Variants in PEMT observed in about 807,000 individuals in gnomAD.
PEMT encodes the protein phospholipid methyltransferase.
PEMT carries 23 observed loss-of-function variants against 27.4 expected under a neutral mutation model. That is an observed-to-expected ratio of 0.84 (90% CI 0.60 to 1.19). The LOEUF (loss-of-function observed/expected upper bound fraction) is 1.19. PEMT is among the 50% of genes most tolerant of loss of function. PEMT has a pLI of 0.00. For missense variants in PEMT, 307 were observed against 310.1 expected, an observed-to-expected ratio of 0.99 and a Z score of 0.07; for synonymous variants, 137 against 139.1, an observed-to-expected ratio of 0.98 and a Z score of 0.11.
intron 2 of PEMT, among the ~76,000 whole-genome samples, chr17:17,532,951 C>T (rs776837755): frequency 1.3e-5 from 2 of 152,176 alleles, no homozygotes; most frequent in African/African-American, 2.4e-5. Context: ...CGCTTGAACT[C>T]GGGAGGCAGA....
intron 3 of PEMT, chr17:17,518,287 C>T (rs1304627840): frequency 8.1e-6 from 3 of 371,634 alleles, no homozygotes; most frequent in East Asian, 1.6e-4. Context: ...ATCCACGCCT[C>T]GCCCACCCCC....
chr17:17,550,209 A>T (rs1343709657), intron 2 of PEMT, among the ~76,000 whole-genome samples: 3 of 152,200 alleles, frequency 2.0e-5, no homozygotes, highest in African/African-American at 4.8e-5. Context: ...CTGAGGACAC[A>T]GACGTTCGTG....
At chr17:17,570,870 G>A in intron 2 of PEMT, 2 of 985,406 alleles carry the variant, frequency 2.0e-6, no homozygotes, top group Non-Finnish European at 2.4e-6. Context: ...TCCGGGGGCA[G>A]GTGAGAAGAG....
At chr17:17,566,644 G>C (rs1182683723) in intron 2 of PEMT, among the ~76,000 whole-genome samples, 1 of 152,236 alleles carries the variant, frequency 6.6e-6, no homozygotes, top group Non-Finnish European at 1.5e-5. Flanking sequence ...AGGCGGGAAA[G>C]CTGGCGAAGG....
intron 2 of PEMT, among the ~76,000 whole-genome samples, chr17:17,525,861 G>A (rs957644698): frequency 3.9e-5 from 6 of 152,174 alleles, no homozygotes; most frequent in African/African-American, 1.2e-4. Context: ...GGGCACAGTG[G>A]TGTGCACCTG....
At chr17:17,567,213 G>A (rs550533917) in intron 2 of PEMT, among the ~76,000 whole-genome samples, 3 of 152,318 alleles carry the variant, frequency 2.0e-5, no homozygotes, top group East Asian at 1.9e-4. Flanking sequence ...GTGGGAGTGC[G>A]CTCCCTCTCC....
intron 3 of PEMT, among the ~76,000 whole-genome samples, chr17:17,519,943 G>A (rs866147025): frequency 1.8e-4 from 27 of 152,222 alleles, no homozygotes; most frequent in African/African-American, 6.5e-4. Flanking sequence ...TGTGTGCGCT[G>A]TGGGCTGCAG....
intron 2 of PEMT, among the ~76,000 whole-genome samples, chr17:17,549,194 A>G (rs1355693038): frequency 6.6e-6 from 1 of 151,794 alleles, no homozygotes; most frequent in Non-Finnish European, 1.5e-5. Context: ...TTATTTATTT[A>G]TTTGTTTATT....
chr17:17,530,951 G>A (rs553367299), intron 2 of PEMT, among the ~76,000 whole-genome samples: 5 of 151,670 alleles, frequency 3.3e-5, no homozygotes, highest in African/African-American at 1.2e-4. Context: ...GCTGAGGCAG[G>A]AGAATTGCTT....
Position 17,541,260 on chromosome 17 carries a change from C to T in PEMT, c.205-18865G>A, listed in dbSNP as rs116332096. Among the ~76,000 whole-genome samples the T allele has an allele frequency of 2.9e-3, 439 of 152,334 alleles. 1 individual carries two copies. Among genetic ancestry groups the T allele is most frequent in the African/African-American group, 9.4e-3 (392 of 41,576 alleles). On this transcript the variant is annotated intron_variant, in intron 2 of 6. Coordinates refer to ENST00000255389, the MANE Select transcript of PEMT (RefSeq NM_148172.3). Reference sequence around the variant, plus strand: ...CCCTGCAAGGAAGATGTCTCCCTCACGCACGGACAGGTGCGGTGGTGCCTC... The same window carrying T: ...CCCTGCAAGGAAGATGTCTCCCTCATGCACGGACAGGTGCGGTGGTGCCTC...
chr17:17,544,733 T>C (rs1410013628), intron 2 of PEMT, among the ~76,000 whole-genome samples: 1 of 152,102 alleles, frequency 6.6e-6, no homozygotes, highest in African/African-American at 2.4e-5. Flanking sequence ...CGTTTCAAAA[T>C]GGAGGCAGAA....
chr17:17,561,352 G>A lies in PEMT; in HGVS notation c.204+15568C>T, dbSNP rs775954859. Among the ~76,000 whole-genome samples the A allele has an allele frequency of 1.2e-4, 19 of 152,342 alleles. No individual in the cohort carries two copies. Among genetic ancestry groups the A allele is most frequent in the South Asian group, 2.1e-4 (1 of 4,832 alleles). On this transcript the variant is annotated intron_variant, in intron 2 of 6. Coordinates refer to ENST00000255389, the MANE Select transcript of PEMT (RefSeq NM_148172.3). This position sits in a 1 kb window ranked among gnomAD's most constrained non-coding sequence, Gnocchi z 4.5. ...GCACAGTGAATGGCCAGCCACAGCC[G>A]GAACCCAAGCGGTGAGGCTGCAAGC...
intron 6 of PEMT, 96 bp from the exon 7 acceptor site, chr17:17,505,944 G>C: frequency 6.9e-7 from 1 of 1,455,678 alleles, no homozygotes; most frequent in East Asian, 2.5e-5. Context: ...AGGGTGTCCA[G>C]ATGGGACCGG....
intron 1 of PEMT, among the ~76,000 whole-genome samples, chr17:17,588,613 C>T (rs538422774): frequency 2.2e-3 from 338 of 152,314 alleles, no homozygotes; most frequent in African/African-American, 7.7e-3. Flanking sequence ...ATCACTCACC[C>T]GCTCTGGTGA....
chr17:17,510,706 G>A (rs1345595571), intron 4 of PEMT, among the ~76,000 whole-genome samples: 1 of 152,250 alleles, frequency 6.6e-6, no homozygotes, highest in African/African-American at 2.4e-5. Context: ...AGGGCCGCCA[G>A]GAGGCTGTGG....
intron 2 of PEMT, among the ~76,000 whole-genome samples, chr17:17,547,520 A>G (rs1486563562): frequency 6.6e-6 from 1 of 152,246 alleles, no homozygotes; most frequent in Non-Finnish European, 1.5e-5. Context: ...TGAAAAGCAG[A>G]CACCACACAG....
intron 2 of PEMT, among the ~76,000 whole-genome samples, chr17:17,527,453 G>A (rs58930818): frequency 0.095 from 14,422 of 152,212 alleles, 795 homozygotes; most frequent in African/African-American, 0.15. Flanking sequence ...GGCTCCCAGC[G>A]CCAGGTTCTG....
chr17:17,520,032 C>T (rs763798011), intron 3 of PEMT, among the ~76,000 whole-genome samples: 1 of 152,180 alleles, frequency 6.6e-6, no homozygotes, highest in Non-Finnish European at 1.5e-5. Context: ...AACAGCTCAG[C>T]GTGCCAGCCC....
chr17:17,514,683 GA>G, intron 3 of PEMT, among the ~76,000 whole-genome samples: 1 of 152,354 alleles, frequency 6.6e-6, no homozygotes, highest in East Asian at 1.9e-4. Flanking sequence ...GGCTGCCATG[GA>G]ATCAGGTGGC....
Sources: gnomAD v4.1 joint callset for allele counts (sites outside exome capture counted in the v4.1 genomes callset) on GRCh38, gnomAD v4.1.1 for gene constraint, Gnocchi (gnomAD v3.1) non-coding constraint, MANE v1.5 for transcripts, NCBI Gene and HGNC (gene_info 2026-07-23, HGNC 2026-07-21) for gene names.